The following CHD9 variants were observed in gnomAD, a reference collection of about 807,000 sequenced individuals.
CHD9 encodes the protein chromodomain helicase DNA binding protein 9.
CHD9 carries 77 observed loss-of-function variants against 316.1 expected under a neutral mutation model. The observed-to-expected ratio is 0.24, with a 90% CI of 0.20 to 0.29. The LOEUF (loss-of-function observed/expected upper bound fraction) is 0.29. Ranked by LOEUF, CHD9 falls within the 10% of genes least tolerant of loss-of-function variation. The pLI is 1.00. For missense variants in CHD9, 2,763 were observed against 3,438.1 expected (o/e 0.80, Z 4.91); for synonymous variants, 1,129 against 1,158.3 (o/e 0.97, Z 0.51).
chr16:53,304,413 C>T lies in CHD9; in HGVS notation c.6407C>T (p.Ser2136Leu). Residue 2136 changes from serine (S) to leucine (L), a missense_variant, in exon 31 of 39, where the codon TCA (serine) becomes TTA (leucine). Ser to Leu is a moderately radical substitution (Grantham distance 145, BLOSUM62 -2). Transcript: ENST00000447540. ...RGSESSSDSD[S>L]DSERSSCSSR... ...TCAGAATCTAGTTCTGATTCTGACT[C>T]AGATTCTGAGAGATCATCTTGTTCT... 1 of 1,607,106 alleles carries T rather than the reference C, an allele frequency of 6.2e-7. No homozygotes were observed. Among genetic ancestry groups the T allele is most frequent in the Non-Finnish European group, 8.5e-7 (1 of 1,176,728 alleles).
chr16:53,233,013 C>T (rs748274571), intron 10 of CHD9, among the ~76,000 whole-genome samples: 2 of 152,248 alleles, frequency 1.3e-5, no homozygotes, highest in South Asian at 2.1e-4. Flanking sequence ...GGAATTCTTC[C>T]GACCAGCAAG....
Position 53,304,180 on chromosome 16 carries a change from T to A in CHD9, c.6174T>A (p.Ser2058=). The change falls in exon 31 of 39, where the codon TCT becomes TCA. Residue 2058 remains serine (S), a synonymous_variant. Coordinates refer to ENST00000447540, the MANE Select transcript of CHD9 (RefSeq NM_001308319.2). ...AAAACCTTAAAGAGGAGCCTCAGTC[T>A]TCTGAAGAAGAATCTATGTCTTCTG... ...KSENLKEEPQ[S]SEEESMSSVE... 1 of 1,612,334 alleles carries A rather than the reference T, an allele frequency of 6.2e-7. No individual in the cohort carries two copies. Among genetic ancestry groups the A allele is most frequent in the South Asian group, 1.1e-5 (1 of 90,900 alleles).
intron 1 of CHD9, among the ~76,000 whole-genome samples, chr16:53,101,480 G>T (rs1373611239): frequency 2.0e-5 from 3 of 151,940 alleles, no homozygotes; most frequent in African/African-American, 7.3e-5. Context: ...TCACTAAATT[G>T]CCCAGGCCGA....
chr16:53,314,037 AAAAAC>A (rs2153100674), intron 34 of CHD9, among the ~76,000 whole-genome samples: 1 of 152,250 alleles, frequency 6.6e-6, no homozygotes, highest in African/African-American at 2.4e-5. Context: ...TTTTTTTTAA[AAAAAC>A]AAGCTTTTGA....
At chr16:53,117,459 G>C (rs1165037850) in intron 1 of CHD9, among the ~76,000 whole-genome samples, 1 of 151,708 alleles carries the variant, frequency 6.6e-6, no homozygotes, top group African/African-American at 2.4e-5. Flanking sequence ...CTGTTGCCTA[G>C]GCTGTAGTAC....
intron 31 of CHD9, 70 bp downstream of exon 31, chr16:53,304,695 T>TTCC: frequency 5.5e-6 from 3 of 549,576 alleles, no homozygotes; most frequent in South Asian, 6.5e-5. Context: ...TTTCTTTTCT[T>TTCC]TTTTTTTTTT....
intron 16 of CHD9, among the ~76,000 whole-genome samples, chr16:53,248,635 C>T (rs930915085): frequency 2.6e-4 from 39 of 149,622 alleles, no homozygotes; most frequent in African/African-American, 9.4e-4. Context: ...AAGCAATCCT[C>T]CCACCTCAGC....
At chr16:53,174,583 C>A (rs1320942290) in intron 2 of CHD9, among the ~76,000 whole-genome samples, 1 of 151,872 alleles carries the variant, frequency 6.6e-6, no homozygotes, top group Non-Finnish European at 1.5e-5. Context: ...TCTTTTTCTG[C>A]CCTTGTACTT....
At chr16:53,083,781 C>T (rs1442323183) in intron 1 of CHD9, among the ~76,000 whole-genome samples, 1 of 151,948 alleles carries the variant, frequency 6.6e-6, no homozygotes, top group Non-Finnish European at 1.5e-5. Flanking sequence ...ACCTGTCTCT[C>T]ACTCTGTCAC....
chr16:53,179,321 AT>A (rs5816889), intron 2 of CHD9, among the ~76,000 whole-genome samples: 8 of 151,366 alleles, frequency 5.3e-5, no homozygotes, highest in African/African-American at 1.2e-4. Context: ...CCAGCAGTTA[AT>A]TTTTTTTTAT....
chr16:53,154,984 GTTC>G (rs775646635), intron 1 of CHD9, among the ~76,000 whole-genome samples: 1 of 152,082 alleles, frequency 6.6e-6, no homozygotes, highest in Non-Finnish European at 1.5e-5. Context: ...CTACTCTAGA[GTTC>G]TTATTTATTT....
In CHD9 at chr16:53,281,468, A is replaced by G. The variant is rs924176705; in HGVS notation, c.4968-4128A>G. 7.2e-5 allele frequency among the ~76,000 whole-genome samples: 11 copies of G among 152,250 alleles called. 2 individuals carry two copies. The highest frequency in any genetic ancestry group is 3.9e-4 in the Admixed American group (6 of 15,284). ...ATGATCTCACAGTTAGACTTTTGCAATGGCCTCGTAACTGATTCTGTTTTC... is the reference window on the plus strand; with the variant it reads ...ATGATCTCACAGTTAGACTTTTGCAGTGGCCTCGTAACTGATTCTGTTTTC... On this transcript the variant is annotated intron_variant, in intron 24 of 38. Coordinates refer to ENST00000447540, the MANE Select transcript of CHD9 (RefSeq NM_001308319.2).
intron 1 of CHD9, among the ~76,000 whole-genome samples, chr16:53,114,095 A>G (rs906254674): frequency 6.6e-6 from 1 of 152,148 alleles, no homozygotes; most frequent in African/African-American, 2.4e-5. Context: ...TTAAAAAAAA[A>G]AAAAGAGGTT....
intron 2 of CHD9, among the ~76,000 whole-genome samples, chr16:53,164,493 C>T (rs1387425835): frequency 3.3e-5 from 5 of 152,194 alleles, no homozygotes; most frequent in African/African-American, 1.2e-4. Flanking sequence ...GCAGGAGGAT[C>T]ACCTGAGCCC....
At chr16:53,155,767 C>CT (rs2041478171) in intron 1 of CHD9, among the ~76,000 whole-genome samples, 159 bp from the exon 2 acceptor site, 1 of 152,198 alleles carries the variant, frequency 6.6e-6, no homozygotes, top group South Asian at 2.1e-4. Flanking sequence ...TCTATATATA[C>CT]TTGCCTACTT....
Position 53,212,345 on chromosome 16 carries a change from C to T in CHD9, c.1784+2532C>T, listed in dbSNP as rs369824660. ...GCGTGAACCTGGGAGGCAGAGGTTG[C>T]AGTGAGCCGAGATTGCACCACTGCA... On this transcript the variant is annotated intron_variant, in intron 3 of 38. Coordinates refer to ENST00000447540, the MANE Select transcript of CHD9 (RefSeq NM_001308319.2). Among the ~76,000 whole-genome samples the T allele has an allele frequency of 3.2e-3, 477 of 151,052 alleles. 7 individuals carry two copies. The highest frequency in any genetic ancestry group is 0.011 in the African/African-American group (461 of 41,080).
Position 53,325,473 on chromosome 16 carries a change from A to G in CHD9, c.*578A>G, listed in dbSNP as rs966573517. The G allele has an allele frequency of 6.6e-6, 1 of 152,654 alleles. No homozygotes were observed. Among genetic ancestry groups the G allele is most frequent in the African/African-American group, 2.4e-5 (1 of 41,472 alleles). The allele number at this position is 152,654 out of a possible 1,614,324, so 9.5% of individuals were successfully genotyped here. On this transcript the variant is annotated 3_prime_UTR_variant, in exon 39 of 39. Transcript: ENST00000447540. ...TCCCAATCAGCCAATTTAACTGGCTACCTGTTACCTCAGCTGAGTTAGTTT... is the reference window on the plus strand; with the variant it reads ...TCCCAATCAGCCAATTTAACTGGCTGCCTGTTACCTCAGCTGAGTTAGTTT...
chr16:53,151,968 ATGTG>A lies in CHD9; in HGVS notation c.-164-3935_-164-3932del, dbSNP rs75657191. Among the ~76,000 whole-genome samples the A allele has an allele frequency of 1.4e-3, 202 of 147,328 alleles. 1 individual carries two copies. Among genetic ancestry groups the A allele is most frequent in the South Asian group, 4.1e-3 (19 of 4,620 alleles). ...CTTATTCTTTGTATGCTTTCAGGGT[ATGTG>A]TGTGTGTGTGTGTGTGTGTGTGATT... On this transcript the variant is annotated intron_variant, in intron 1 of 38. Transcript: ENST00000447540.
chr16:53,180,178 C>T (rs1010675416), intron 2 of CHD9, among the ~76,000 whole-genome samples: 3 of 151,414 alleles, frequency 2.0e-5, no homozygotes, highest in Admixed American at 2.0e-4. Flanking sequence ...AGCTAATTTT[C>T]GTATTTTTAG....
Sources: gnomAD v4.1 joint callset for allele counts (sites outside exome capture counted in the v4.1 genomes callset) on GRCh38, gnomAD v4.1.1 for gene constraint, MANE v1.5 for transcripts, NCBI Gene and HGNC (gene_info 2026-07-23, HGNC 2026-07-21) for gene names.